The following ATG4D variants were observed in gnomAD, a reference collection of about 807,000 sequenced individuals.
ATG4D encodes the protein cysteine protease ATG4D.
In ATG4D, 51 loss-of-function variants were observed where a neutral mutation model predicts 55.2. That is an observed-to-expected ratio of 0.92 (90% CI 0.74 to 1.17). The LOEUF is 1.17. Among genes scored for constraint, ATG4D ranks in the 50% most tolerant of loss-of-function variants. ATG4D has a pLI of 0.00. For synonymous variants in ATG4D, 268 were observed against 266.2 expected, an observed-to-expected ratio of 1.01 and a Z score of -0.07; for missense variants, 635 against 649.6, an observed-to-expected ratio of 0.98 and a Z score of 0.25.
Position 10,552,197 on chromosome 19 carries a change from T to G in ATG4D, c.1123-8T>G. ...AGCCTCTGAGCCTTCCTCGTCTGTC[T>G]GCCCCAGTCCTTCCACTGCACCTCG... On this transcript the variant is annotated splice_polypyrimidine_tract_variant and splice_region_variant and intron_variant, in intron 8 of 9. Transcript: ENST00000309469. 1 of 1,612,046 alleles carries G rather than the reference T, an allele frequency of 6.2e-7. No individual in the cohort carries two copies. Among genetic ancestry groups the G allele is most frequent in the Non-Finnish European group, 8.5e-7 (1 of 1,179,996 alleles).
chr19:10,545,846 G>A (rs1916015390), intron 3 of ATG4D, among the ~76,000 whole-genome samples: 1 of 151,960 alleles, frequency 6.6e-6, no homozygotes, highest in African/African-American at 2.4e-5. Flanking sequence ...CAGCCTGGGT[G>A]GCAGAGCGAG....
In ATG4D at chr19:10,552,210, C is replaced by T; in HGVS notation, c.1128C>T (p.Phe376=). Residue 376 remains phenylalanine (F), a synonymous_variant, in exon 9 of 10, where the codon TTC becomes TTT. Coordinates refer to ENST00000309469, the MANE Select transcript of ATG4D (RefSeq NM_032885.6). Reference sequence around the variant, plus strand: ...TCCTCGTCTGTCTGCCCCAGTCCTTCCACTGCACCTCGCCCCGCAAGATGG... The same window carrying T: ...TCCTCGTCTGTCTGCCCCAGTCCTTTCACTGCACCTCGCCCCGCAAGATGG... ...VSQADFPLES[F]HCTSPRKMAF... 1 of 1,612,712 alleles carries T rather than the reference C, an allele frequency of 6.2e-7. No individual in the cohort carries two copies. Among genetic ancestry groups the T allele is most frequent in the Non-Finnish European group, 8.5e-7 (1 of 1,180,004 alleles).
rs1436477678 is a variant in ATG4D, at chr19:10,551,776, CA to C, written c.967-119del. 1.5e-5 allele frequency: 12 copies of C among 814,066 alleles called. No individual in the cohort carries two copies. In the African/African-American group the frequency reaches 1.9e-4, roughly 13 times the overall value. The allele number at this position is 814,066 out of a possible 1,614,324, so 50.4% of individuals were successfully genotyped here. ...ACACTAGGATGTCAGCTCCTGAGGG[CA>C]AGGGTTTTGTGGTCTTGATCACTGC... On this transcript the variant is annotated intron_variant, in intron 6 of 9. Coordinates refer to ENST00000309469, the MANE Select transcript of ATG4D (RefSeq NM_032885.6).
intron 5 of ATG4D, 126 bp from the exon 6 acceptor site, chr19:10,548,778 G>T: frequency 3.0e-6 from 4 of 1,353,670 alleles, no homozygotes; most frequent in Non-Finnish European, 3.0e-6. Context: ...TGATGATTTT[G>T]GTTAGTGATG....
chr19:10,545,781 G>C (rs147492694), intron 3 of ATG4D, among the ~76,000 whole-genome samples: 2,346 of 151,136 alleles, frequency 0.016, 57 homozygotes, highest in African/African-American at 0.053. Flanking sequence ...GCAGAGAATT[G>C]CTTGAACCGG....
At chr19:10,545,218 C>G (rs984153306) in intron 3 of ATG4D, 88 bp downstream of exon 3, 15 of 1,487,754 alleles carry the variant, frequency 1.0e-5, no homozygotes, top group African/African-American at 6.9e-5. Flanking sequence ...ACTAAGAGTT[C>G]AAAGTCACGT....
In ATG4D at chr19:10,544,946, C is replaced by T. The variant is rs1341380022; in HGVS notation, c.320-11C>T. The T allele has an allele frequency of 6.3e-7, 1 of 1,582,364 alleles. No individual in the cohort carries two copies. The highest frequency in any genetic ancestry group is 8.6e-7 in the Non-Finnish European group (1 of 1,161,952). On this transcript the variant is annotated splice_polypyrimidine_tract_variant and intron_variant, in intron 2 of 9. Coordinates refer to ENST00000309469, the MANE Select transcript of ATG4D (RefSeq NM_032885.6). ...TGTCCCTGGTGGCAGCTGACAGACC[C>T]GCTCTTGTAGGTGACATACAGCGTT...
In ATG4D at chr19:10,544,819, T is replaced by G; in HGVS notation, c.272T>G (p.Ile91Ser). Residue 91 changes from isoleucine to serine, a missense_variant, in exon 2 of 10, where the codon ATC becomes AGC. Transcript: ENST00000309469. The stretch of plus-strand genomic sequence containing the variant: ...AAAAGCCGGACCAGCTTTAGCAAGA[T>G]CTCCAGCATCCACCTCTGTGGCCGC... ...VVKSRTSFSK[I>S]SSIHLCGRRY... 1 of 1,614,038 alleles carries G rather than the reference T, an allele frequency of 6.2e-7. No homozygotes were observed. The highest frequency in any genetic ancestry group is 8.5e-7 in the Non-Finnish European group (1 of 1,179,952).
chr19:10,548,337 C>T (rs1408607918), intron 5 of ATG4D, among the ~76,000 whole-genome samples: 1 of 151,872 alleles, frequency 6.6e-6, no homozygotes, highest in Non-Finnish European at 1.5e-5. Context: ...CCGGCTACCT[C>T]TGTAAATTTT....
rs539972311 is a variant in ATG4D, at chr19:10,549,326, T to A, written c.966+292T>A. On this transcript the variant is annotated intron_variant, in intron 6 of 9. Coordinates refer to ENST00000309469, the MANE Select transcript of ATG4D (RefSeq NM_032885.6). ...TTAGTAGAGACAGGGTTTCACCATT[T>A]TGGTCAGGCTGATCTTGAACTCCTA... Among the ~76,000 whole-genome samples, 12 of 152,296 alleles carry A rather than the reference T, an allele frequency of 7.9e-5. No individual in the cohort carries two copies. The East Asian group carries it at 2.3e-3, about 29-fold the overall frequency.
At position 10,551,906 on chromosome 19, in the gene ATG4D, C is replaced by T. The variant is rs771104951; in HGVS notation, c.976C>T (p.Arg326Cys). 3.1e-6 allele frequency: 5 copies of T among 1,613,894 alleles called. No homozygotes were observed. Among genetic ancestry groups the T allele is most frequent in the Middle Eastern group, 1.7e-4 (1 of 6,006 alleles). The change falls in exon 7 of 10, where the codon CGT becomes TGT. Residue 326 changes from arginine (R) to cysteine (C), a missense_variant. Coordinates refer to ENST00000309469, the MANE Select transcript of ATG4D (RefSeq NM_032885.6). Reference protein sequence around the residue: ...VYVPCVKELLRCELCLGIMGG... With the variant: ...VYVPCVKELLCCELCLGIMGG... ...ACCCTCCTCCCTGCAGGAACTCCTGCGTTGCGAGCTGTGCCTGGGCATCAT... is the reference window on the plus strand; with the variant it reads ...ACCCTCCTCCCTGCAGGAACTCCTGTGTTGCGAGCTGTGCCTGGGCATCAT...
rs1916136020 is a variant in ATG4D at position 10,548,993 on chromosome 19, G to T, written c.925G>T (p.Gly309Cys). ...GGTCATCCTGGTGCCCGTGCGACTG[G>T]GTGGCGAGACTCTCAACCCCGTGTA... ...SVVILVPVRL[G>C]GETLNPVYVP... Residue 309 changes from glycine (G) to cysteine (C), a missense_variant, in exon 6 of 10, where the codon GGT (glycine) becomes TGT (cysteine). Gly to Cys is a radical substitution (Grantham distance 159, BLOSUM62 -3). Transcript: ENST00000309469. 1 of 1,614,120 alleles carries T rather than the reference G, an allele frequency of 6.2e-7. No individual in the cohort carries two copies.
At chr19:10,546,798 C>T in intron 3 of ATG4D, 41 bp from the exon 4 acceptor site, 2 of 1,517,636 alleles carry the variant, frequency 1.3e-6, no homozygotes, top group Non-Finnish European at 1.8e-6. Context: ...CTCTGCCCCC[C>T]ACACACTAGC....
chr19:10,544,242 C>T lies in ATG4D; in HGVS notation c.152C>T (p.Ser51Phe), dbSNP rs771776583. The change falls in exon 1 of 10, where the codon TCT becomes TTT. Residue 51 changes from serine to phenylalanine, a missense_variant. Physicochemically the swap from Ser to Phe is radical, Grantham distance 155. Coordinates refer to ENST00000309469, the MANE Select transcript of ATG4D (RefSeq NM_032885.6). ...GGAGCCAGCGGCCCCGCTCTTGGCT[C>T]TCCCGGGGCTGGCCCGAGTGAGCCG... ...PSGASGPALGSPGAGPSEPDE... is the reference protein window; with the variant it reads ...PSGASGPALGFPGAGPSEPDE... The T allele has an allele frequency of 6.3e-6, 8 of 1,260,228 alleles. No homozygotes were observed. In the African/African-American group the frequency reaches 1.1e-4, roughly 17 times the overall value. 78.1% of individuals were successfully genotyped at this position (1,260,228 alleles called of 1,614,324 possible). A position where few individuals can be genotyped will look rare whatever the true frequency, so the allele number is the denominator to read the frequency against.
At chr19:10,550,892 A>C (rs1568417337) in intron 6 of ATG4D, 1 of 151,400 alleles carries the variant, frequency 6.6e-6, no homozygotes, top group Non-Finnish European at 1.5e-5. Context: ...TTGTATTTTT[A>C]ATGGAGATGG....
rs535661756 is a variant in ATG4D at position 10,546,759 on chromosome 19, A to G, written c.494-80A>G. 3.7e-4 allele frequency: 523 copies of G among 1,427,594 alleles called. 6 individuals are homozygous for G. In the South Asian group the frequency reaches 6.9e-3, roughly 19 times the overall value. 88.4% of individuals were successfully genotyped at this position (1,427,594 alleles called of 1,614,324 possible). A position where few individuals can be genotyped will look rare whatever the true frequency, so the allele number is the denominator to read the frequency against. On this transcript the variant is annotated intron_variant, in intron 3 of 9. Coordinates refer to ENST00000309469, the MANE Select transcript of ATG4D (RefSeq NM_032885.6). ...AATTACGGGGTTCAGGAGCATTCGC[A>G]TTGTGTGCGGTGCATGTGTAGATGG... is the stretch of plus-strand genomic sequence containing the variant.
chr19:10,549,631 T>C (rs1015282119), intron 6 of ATG4D, among the ~76,000 whole-genome samples: 10 of 150,798 alleles, frequency 6.6e-5, no homozygotes, highest in African/African-American at 2.4e-4. Context: ...TTGGCCAGGC[T>C]GGTTCTCAAA....
At chr19:10,550,874 G>C (rs1916200807) in intron 6 of ATG4D, among the ~76,000 whole-genome samples, 1 of 151,896 alleles carries the variant, frequency 6.6e-6, no homozygotes, top group Admixed American at 6.6e-5. Flanking sequence ...ACCACTCCTG[G>C]CTAATTTTTG....
intron 6 of ATG4D, among the ~76,000 whole-genome samples, chr19:10,549,840 C>T (rs1199480559): frequency 1.3e-5 from 2 of 152,230 alleles, no homozygotes; most frequent in East Asian, 3.9e-4. Flanking sequence ...TGGGAGCAGA[C>T]GTTCTGATGG....
Sources: allele counts gnomAD v4.1 joint callset (sites outside exome capture counted in the v4.1 genomes callset), GRCh38; gene constraint gnomAD v4.1.1; transcripts MANE v1.5; gene names NCBI Gene and HGNC (gene_info 2026-07-23, HGNC 2026-07-21).